MAGI3: variants seen among roughly 807,000 people sequenced by gnomAD.
MAGI3 encodes the protein membrane associated guanylate kinase, WW and PDZ domain containing 3.
Under a neutral mutation model 121.8 loss-of-function variants are expected in MAGI3, and 43 were observed. That is an observed-to-expected ratio of 0.35 (90% CI 0.28 to 0.46). The LOEUF (loss-of-function observed/expected upper bound fraction) is 0.46. Ranked by LOEUF, MAGI3 falls within the 20% of genes least tolerant of loss-of-function variation. The pLI is 1.00. For synonymous variants in MAGI3, 553 were observed against 639.3 expected, an observed-to-expected ratio of 0.86 and a Z score of 2.04; for missense variants, 1,547 against 1,797.3, an observed-to-expected ratio of 0.86 and a Z score of 2.52.
intron 1 of MAGI3, among the ~76,000 whole-genome samples, chr1:113,473,133 G>C (rs1411945523): frequency 6.6e-6 from 1 of 152,124 alleles, no homozygotes; most frequent in African/African-American, 2.4e-5. Flanking sequence ...GGCAGGTTCA[G>C]TGATTACAAA....
At position 113,683,392 on chromosome 1, in the gene MAGI3, G is replaced by T. The variant is rs767313521; in HGVS notation, c.3824G>T (p.Gly1275Val). The change falls in exon 21 of 21, where the codon GGA (glycine) becomes GTA (valine). Residue 1275 changes from glycine to valine, a missense_variant. Transcript: ENST00000307546. ...CAGGTCAGCACCAGGGCAGGCTCTG[G>T]ACAAGATCAGTGCAGAAAAAGCAGA... ...SCQVSTRAGSGQDQCRKSRGR... is the reference protein window; with the variant it reads ...SCQVSTRAGSVQDQCRKSRGR... 1.2e-6 allele frequency: 2 copies of T among 1,613,936 alleles called. No individual in the cohort carries two copies. Among genetic ancestry groups the T allele is most frequent in the South Asian group, 2.2e-5 (2 of 91,072 alleles).
chr1:113,554,280 CATAT>C (rs1264966862), intron 2 of MAGI3, among the ~76,000 whole-genome samples: 1 of 150,572 alleles, frequency 6.6e-6, no homozygotes, highest in Non-Finnish European at 1.5e-5. Context: ...TATAAATATT[CATAT>C]GTGTGTGTGT....
intron 6 of MAGI3, among the ~76,000 whole-genome samples, chr1:113,606,829 G>C (rs937218952): frequency 6.6e-6 from 1 of 151,960 alleles, no homozygotes; most frequent in African/African-American, 2.4e-5. Context: ...ACGTCCTGTT[G>C]CTTTTTCTTT....
At chr1:113,663,461 G>A (rs1222463229) in intron 16 of MAGI3, among the ~76,000 whole-genome samples, 3 of 151,988 alleles carry the variant, frequency 2.0e-5, no homozygotes, top group African/African-American at 7.3e-5. Context: ...CATACAATAT[G>A]TGGCCTTTTG....
chr1:113,680,162 C>T (rs930249814), intron 19 of MAGI3, among the ~76,000 whole-genome samples: 1 of 152,190 alleles, frequency 6.6e-6, no homozygotes, highest in Admixed American at 6.5e-5. Context: ...CAGGACATAG[C>T]AGCAGTTCAA....
At chr1:113,555,612 C>T (rs981067191) in intron 2 of MAGI3, among the ~76,000 whole-genome samples, 2 of 151,998 alleles carry the variant, frequency 1.3e-5, no homozygotes, top group African/African-American at 4.8e-5. Context: ...AGACTTAAAT[C>T]ATATGAAACA....
chr1:113,633,163 T>C (rs1256804642), intron 9 of MAGI3, among the ~76,000 whole-genome samples: 2 of 149,292 alleles, frequency 1.3e-5, no homozygotes, highest in East Asian at 3.9e-4. Flanking sequence ...GTTTGGTTTT[T>C]TGTTCTTGTG....
rs757669391 is a variant in MAGI3, at chr1:113,642,374, G to T, written c.1824G>T (p.Gln608His). Residue 608 changes from glutamine to histidine, a missense_variant, in exon 10 of 21, where the codon CAG becomes CAT. Coordinates refer to ENST00000307546, the MANE Select transcript of MAGI3 (RefSeq NM_001142782.2). ...GQKVKMILDS[Q>H]WCQGLQKGDI... ...AGGTGAAAATGATACTGGATAGTCA[G>T]TGGTGTCAAGGCCTTCAGAAAGGAG... The T allele has an allele frequency of 6.2e-7, 1 of 1,614,196 alleles. No homozygotes were observed. Among genetic ancestry groups the T allele is most frequent in the Non-Finnish European group, 8.5e-7 (1 of 1,180,036 alleles).
chr1:113,465,976 A>G (rs763994095), intron 1 of MAGI3, among the ~76,000 whole-genome samples: 1 of 152,098 alleles, frequency 6.6e-6, no homozygotes, highest in African/African-American at 2.4e-5. Context: ...TCCAACTTGA[A>G]TGTATGTCCT....
At position 113,561,409 on chromosome 1, in the gene MAGI3, T is replaced by C. The variant is rs1050369140; in HGVS notation, c.433+11778T>C. Among the ~76,000 whole-genome samples the C allele has an allele frequency of 8.5e-5, 13 of 152,268 alleles. 1 individual carries two copies. Among genetic ancestry groups the C allele is most frequent in the African/African-American group, 3.1e-4 (13 of 41,540 alleles). On this transcript the variant is annotated intron_variant, in intron 2 of 20. Transcript: ENST00000307546. ...GAATCCAACAGCACATCAAAAAACT[T>C]ATCCACCACAATCAAGTCAGCTTTA... is the stretch of plus-strand genomic sequence containing the variant.
At chr1:113,669,704 A>G (rs972987130) in intron 16 of MAGI3, among the ~76,000 whole-genome samples, 2 of 152,048 alleles carry the variant, frequency 1.3e-5, no homozygotes, top group Non-Finnish European at 2.9e-5. Context: ...TAATTTTTGT[A>G]TTTTTAGTAG....
intron 13 of MAGI3, among the ~76,000 whole-genome samples, chr1:113,650,354 A>C (rs1653088602): frequency 6.6e-6 from 1 of 152,214 alleles, no homozygotes; most frequent in South Asian, 2.1e-4. Context: ...TTTGTCTCAA[A>C]CAACTTAGAA....
chr1:113,634,310 C>T (rs1336806509), intron 9 of MAGI3, among the ~76,000 whole-genome samples: 1 of 151,834 alleles, frequency 6.6e-6, no homozygotes, highest in African/African-American at 2.4e-5. Context: ...AAGTCCTTGC[C>T]CATGCCTATG....
At chr1:113,623,651 C>T (rs368635394) in intron 9 of MAGI3, among the ~76,000 whole-genome samples, 1 of 151,986 alleles carries the variant, frequency 6.6e-6, no homozygotes, top group Admixed American at 6.6e-5. Flanking sequence ...CCACGCCTGG[C>T]TAATTTTTTG....
chr1:113,639,695 G>A (rs1256516312), intron 9 of MAGI3, among the ~76,000 whole-genome samples: 3 of 152,154 alleles, frequency 2.0e-5, no homozygotes, highest in African/African-American at 7.2e-5. Context: ...AGCCTCCTGA[G>A]TAGCTGGGAT....
intron 1 of MAGI3, chr1:113,450,432 G>A: frequency 8.8e-7 from 1 of 1,137,254 alleles, no homozygotes; most frequent in Non-Finnish European, 1.3e-6. Context: ...CTATGGTGTG[G>A]TCCTGGTTAT....
intron 1 of MAGI3, among the ~76,000 whole-genome samples, chr1:113,426,541 C>G (rs986151116): frequency 6.6e-6 from 1 of 152,162 alleles, no homozygotes; most frequent in Non-Finnish European, 1.5e-5. Context: ...TCAAATCTGT[C>G]AGGTTTTGCT....
At chr1:113,541,255 A>G (rs1293224447) in intron 1 of MAGI3, among the ~76,000 whole-genome samples, 1 of 152,316 alleles carries the variant, frequency 6.6e-6, no homozygotes, top group Non-Finnish European at 1.5e-5. Flanking sequence ...CCAGGAACCT[A>G]TGGAAAGTGG....
chr1:113,616,200 G>A (rs990948691), intron 7 of MAGI3, among the ~76,000 whole-genome samples: 6 of 152,166 alleles, frequency 3.9e-5, no homozygotes, highest in African/African-American at 1.4e-4. Context: ...TGTCAGGGAG[G>A]TACATGAAAT....
Sources: allele counts gnomAD v4.1 joint callset (sites outside exome capture counted in the v4.1 genomes callset), GRCh38; gene constraint gnomAD v4.1.1; transcripts MANE v1.5; gene names NCBI Gene and HGNC (gene_info 2026-07-23, HGNC 2026-07-21).